The following CUL3 variants were observed in gnomAD, a reference collection of about 807,000 sequenced individuals.
CUL3 encodes the protein cullin 3, also known as cullin-3.
In CUL3, 19 loss-of-function variants were observed where a neutral mutation model predicts 89.1. The ratio of observed to expected loss-of-function variants is 0.21; its 90% CI spans 0.15 to 0.31. The LOEUF (loss-of-function observed/expected upper bound fraction) is 0.31. CUL3 is among the 10% of genes least tolerant of loss of function. The pLI is 1.00. For missense variants in CUL3, 469 were observed against 942.3 expected (o/e 0.50, Z 6.58); for synonymous variants, 351 against 308.4 (o/e 1.14, Z -1.45).
chr2:224,470,620 TTAAG>T lies in CUL3; in HGVS notation c.*3621_*3624del, dbSNP rs1250061522. The T allele has an allele frequency of 2.2e-5, 5 of 231,944 alleles. No homozygotes were observed. Among genetic ancestry groups the T allele is most frequent in the Admixed American group, 5.6e-5 (1 of 17,746 alleles). The allele number at this position is 231,944 out of a possible 1,614,324, so 14.4% of individuals were successfully genotyped here. A position where few individuals can be genotyped will look rare whatever the true frequency, so the allele number is the denominator to read the frequency against. On this transcript the variant is annotated 3_prime_UTR_variant, in exon 16 of 16. Transcript: ENST00000264414. ...GTACATGCCTATCTGTGGTACCCAC[TTAAG>T]TATGTAAAACTTTCTCTAAGATTGT...
intron 14 of CUL3, among the ~76,000 whole-genome samples, chr2:224,480,313 C>T (rs1411783178): frequency 1.3e-5 from 2 of 152,140 alleles, no homozygotes; most frequent in Admixed American, 1.3e-4. Flanking sequence ...GAGCCTTTGA[C>T]AGTAAAACCA....
rs779089727 is a variant in CUL3 at position 224,482,054 on chromosome 2, G to T, written c.1867C>A (p.Pro623Thr). ...FEEIQQETDIPERELVRALQS... is the reference protein window; with the variant it reads ...FEEIQQETDITERELVRALQS... ...AGGGCTCTAACAAGCTCTCTTTCAG[G>T]GATATCTGTCTCTTGCTGAATTTCC... is the stretch of plus-strand genomic sequence containing the variant. The change falls in exon 14 of 16, where the codon CCT becomes ACT. Residue 623 changes from proline to threonine, a missense_variant. By Grantham distance (38) the Pro-to-Thr change is conservative. This residue lies in a region of CUL3 where 370 missense variants were observed against 733.2 expected (regional missense o/e 0.50). Transcript: ENST00000264414. The T allele has an allele frequency of 6.2e-7, 1 of 1,600,312 alleles. No homozygotes were observed. Among genetic ancestry groups the T allele is most frequent in the Non-Finnish European group, 8.5e-7 (1 of 1,175,176 alleles).
At chr2:224,539,403 C>T (rs112733506) in intron 2 of CUL3, among the ~76,000 whole-genome samples, 2,825 of 152,224 alleles carry the variant, frequency 0.019, 92 homozygotes, top group African/African-American at 0.064. Context: ...CAGTTTCTAA[C>T]GAAACCAGAC....
At chr2:224,509,652 A>ATAGGCATACCTG (rs1487574593) in intron 6 of CUL3, among the ~76,000 whole-genome samples, 1 of 152,244 alleles carries the variant, frequency 6.6e-6, no homozygotes, top group African/African-American at 2.4e-5. Context: ...GCTCGCCATG[A>ATAGGCATACCTG]TAGGCATACC....
intron 13 of CUL3, among the ~76,000 whole-genome samples, chr2:224,494,820 C>A (rs1283320178): frequency 6.6e-6 from 1 of 151,974 alleles, no homozygotes; most frequent in Non-Finnish European, 1.5e-5. Flanking sequence ...TAAATCGTTA[C>A]AAATTCAGGG....
intron 14 of CUL3, chr2:224,479,238 C>CAAATTA (rs1424307997): frequency 6.6e-6 from 1 of 151,910 alleles, no homozygotes; most frequent in Non-Finnish European, 1.5e-5. Flanking sequence ...GCAGATTGTA[C>CAAATTA]AATTTAGAAG....
At chr2:224,568,862 T>C (rs1396841274) in intron 1 of CUL3, among the ~76,000 whole-genome samples, 1 of 152,212 alleles carries the variant, frequency 6.6e-6, no homozygotes, top group African/African-American at 2.4e-5. Context: ...TGATCGGGTC[T>C]TGGCATCAAA....
intron 2 of CUL3, among the ~76,000 whole-genome samples, chr2:224,555,157 T>C (rs2106299852): frequency 6.6e-6 from 1 of 152,300 alleles, no homozygotes; most frequent in Admixed American, 6.5e-5. Flanking sequence ...TTTCCTCACA[T>C]GCAAAATGAT....
intron 1 of CUL3, 26 bp downstream of exon 1, chr2:224,584,918 G>C: frequency 6.9e-7 from 1 of 1,453,374 alleles, no homozygotes; most frequent in Non-Finnish European, 9.2e-7. Context: ...CGGCCCCGGG[G>C]TCCCGGACGC....
chr2:224,565,083 C>T (rs1695008192), intron 1 of CUL3, among the ~76,000 whole-genome samples: 1 of 152,144 alleles, frequency 6.6e-6, no homozygotes. Flanking sequence ...AACTGACCTC[C>T]TGAGCAGTCA....
At chr2:224,566,136 A>G (rs1695035670) in intron 1 of CUL3, among the ~76,000 whole-genome samples, 1 of 152,216 alleles carries the variant, frequency 6.6e-6, no homozygotes, top group Admixed American at 6.5e-5. Flanking sequence ...CAACACCTTC[A>G]GTTTTGAAGA....
intron 2 of CUL3, among the ~76,000 whole-genome samples, chr2:224,545,445 T>C (rs575002525): frequency 6.6e-6 from 1 of 152,264 alleles, no homozygotes; most frequent in South Asian, 2.1e-4. Context: ...TTAACAGCAT[T>C]TCACAAAAAG....
chr2:224,505,499 G>A (rs924799970), intron 8 of CUL3, among the ~76,000 whole-genome samples: 2 of 152,118 alleles, frequency 1.3e-5, no homozygotes, highest in East Asian at 1.9e-4. Context: ...GCAGTCACGC[G>A]ATCACAGCTC....
chr2:224,585,200 C>T lies in CUL3; in HGVS notation c.-191G>A. On this transcript the variant is annotated 5_prime_UTR_variant, in exon 1 of 16. Coordinates refer to ENST00000264414, the MANE Select transcript of CUL3 (RefSeq NM_003590.5). ...GGGGCGGCGGCGGCGGCGGCGGCGG[C>T]TCGGACTCTGGCGACTCCGATGCGG... The T allele has an allele frequency of 3.1e-6, 1 of 327,518 alleles. No homozygotes were observed. Among genetic ancestry groups the T allele is most frequent in the Non-Finnish European group, 5.3e-6 (1 of 189,446 alleles). The allele number at this position is 327,518 out of a possible 1,614,324, so 20.3% of individuals were successfully genotyped here.
intron 1 of CUL3, among the ~76,000 whole-genome samples, chr2:224,580,910 T>C (rs1695420598): frequency 6.6e-6 from 1 of 151,646 alleles, no homozygotes; most frequent in Non-Finnish European, 1.5e-5. Context: ...ACAAGAGTCT[T>C]GCTCTAAGGC....
chr2:224,508,518 A>C (rs1028459616), intron 6 of CUL3, among the ~76,000 whole-genome samples: 2 of 152,232 alleles, frequency 1.3e-5, no homozygotes, highest in African/African-American at 4.8e-5. Context: ...AGTTTTGCTT[A>C]GATATTACAT....
intron 1 of CUL3, among the ~76,000 whole-genome samples, chr2:224,566,866 GT>G (rs1385350233): frequency 6.6e-6 from 1 of 152,144 alleles, no homozygotes; most frequent in African/African-American, 2.4e-5. Flanking sequence ...AAAGCACAAG[GT>G]TTTTGCACCA....
intron 1 of CUL3, among the ~76,000 whole-genome samples, chr2:224,579,655 T>C (rs1265790542): frequency 6.6e-6 from 1 of 152,194 alleles, no homozygotes; most frequent in Non-Finnish European, 1.5e-5. Flanking sequence ...GGAGTTCCTC[T>C]AGCATTAGGG....
intron 1 of CUL3, among the ~76,000 whole-genome samples, chr2:224,573,131 G>T (rs1695220661): frequency 1.3e-5 from 2 of 152,086 alleles, no homozygotes; most frequent in Non-Finnish European, 1.5e-5. Flanking sequence ...TATTACTAGA[G>T]AATTTAATCT....
Sources: gnomAD v4.1 joint callset for allele counts (sites outside exome capture counted in the v4.1 genomes callset) on GRCh38, gnomAD v4.1.1 for gene constraint, gnomAD v4.1.1 regional missense constraint, MANE v1.5 for transcripts, NCBI Gene and HGNC (gene_info 2026-07-23, HGNC 2026-07-21) for gene names.